The following TRRAP variants were observed in gnomAD, a reference collection of about 807,000 sequenced individuals.
The protein encoded by TRRAP is transformation/transcription domain-associated protein.
In TRRAP, 41 loss-of-function variants were observed where a neutral mutation model predicts 438.8. The observed-to-expected ratio is 0.09, with a 90% confidence interval of 0.07 to 0.12. The LOEUF is 0.12. Ranked by LOEUF, TRRAP falls within the 10% of genes least tolerant of loss-of-function variation. The pLI, the probability that TRRAP is intolerant of heterozygous loss-of-function variation, is 1.00. For missense variants in TRRAP, 3,122 were observed against 5,055.1 expected (o/e 0.62, Z 11.60); for synonymous variants, 1,994 against 1,962.9 (o/e 1.02, Z -0.42).
At chr7:98,925,724 AAC>A (rs1790020319) in intron 22 of TRRAP, among the ~76,000 whole-genome samples, 2 of 152,244 alleles carry the variant, frequency 1.3e-5, no homozygotes, top group Non-Finnish European at 2.9e-5. Flanking sequence ...CTTTTGAGGT[AAC>A]ACACACATAC....
chr7:98,906,896 AT>A (rs1188165975), intron 13 of TRRAP, among the ~76,000 whole-genome samples: 5 of 151,792 alleles, frequency 3.3e-5, no homozygotes, highest in Non-Finnish European at 5.9e-5. Flanking sequence ...TTAAAAAGAA[AT>A]TTTTTTTTAT....
chr7:98,907,668 C>T (rs538428883), intron 13 of TRRAP, among the ~76,000 whole-genome samples: 30 of 152,318 alleles, frequency 2.0e-4, no homozygotes, highest in African/African-American at 4.6e-4. Flanking sequence ...TGAGTCTCTG[C>T]GTGATTTGGC....
At chr7:98,893,927 T>C (rs782140293) in intron 6 of TRRAP, 46 bp downstream of exon 6, 1 of 1,575,766 alleles carries the variant, frequency 6.3e-7, no homozygotes. Context: ...TGTGTCAACA[T>C]GTTCCTTCTG....
At chr7:98,963,855 C>T (rs531763411) in intron 47 of TRRAP, among the ~76,000 whole-genome samples, 50 of 151,838 alleles carry the variant, frequency 3.3e-4, no homozygotes, top group Non-Finnish European at 5.3e-4. Context: ...CTGAGGCAGG[C>T]GGATTACTTG....
chr7:98,983,183 T>A, intron 59 of TRRAP, 81 bp from the exon 60 acceptor site: 1 of 1,299,668 alleles, frequency 7.7e-7, no homozygotes, highest in Non-Finnish European at 1.0e-6. Context: ...GATAATCATG[T>A]CCCCAATGGA....
intron 21 of TRRAP, among the ~76,000 whole-genome samples, chr7:98,923,650 G>A (rs1019289149): frequency 7.2e-5 from 11 of 152,132 alleles, no homozygotes; most frequent in African/African-American, 1.9e-4. Context: ...CAATACCCTC[G>A]AAGAGCACGG....
In TRRAP at chr7:98,955,069, C is replaced by T. The variant is rs1459399721; in HGVS notation, c.5731-29C>T. 5 of 1,587,462 alleles carry T rather than the reference C, an allele frequency of 3.1e-6. No individual in the cohort carries two copies. In the African/African-American group the frequency reaches 4.0e-5, roughly 13 times the overall value. On this transcript the variant is annotated intron_variant, in intron 40 of 72. Transcript: ENST00000456197. ...TATTTCTTAAAGCCTTCCTTCTCAT[C>T]CTCCATAAACGTCTCTTCCCTGTTT... is the stretch of plus-strand genomic sequence containing the variant.
Position 98,985,052 on chromosome 7 carries a change from T to C in TRRAP, c.9389+8T>C. 2 of 1,576,272 alleles carry C rather than the reference T, an allele frequency of 1.3e-6. No individual in the cohort carries two copies. The highest frequency in any genetic ancestry group is 1.7e-6 in the Non-Finnish European group (2 of 1,152,594). On this transcript the variant is annotated splice_region_variant and intron_variant, in intron 62 of 72. Coordinates refer to ENST00000456197, the MANE Select transcript of TRRAP (RefSeq NM_001375524.1). ...CTTGGCTCAGATCAACAAGTATGTA[T>C]GTTATATTGAAAGGATAAGAGAAAA...
Position 98,927,194 on chromosome 7 carries a change from T to C in TRRAP, c.3003T>C (p.Val1001=). ...PNFTEKTIPN[V]IISHRYKAQD... is the part of the protein sequence containing the mutation. The stretch of plus-strand genomic sequence containing the variant: ...TTACAGAAAAGACCATCCCCAATGT[T>C]ATCATCTCACATCGCTACAAAGCCC... The change falls in exon 23 of 73, where the codon GTT becomes GTC. Residue 1001 remains valine, a synonymous_variant. Coordinates refer to ENST00000456197, the MANE Select transcript of TRRAP (RefSeq NM_001375524.1). The C allele has an allele frequency of 2.5e-6, 4 of 1,614,226 alleles. No individual in the cohort carries two copies. The highest frequency in any genetic ancestry group is 3.4e-6 in the Non-Finnish European group (4 of 1,180,044).
intron 14 of TRRAP, among the ~76,000 whole-genome samples, chr7:98,909,442 T>C (rs959286680): frequency 2.6e-5 from 4 of 152,146 alleles, no homozygotes; most frequent in African/African-American, 9.7e-5. Flanking sequence ...GTGCACCAGT[T>C]TTTTCATCTT....
Position 98,948,798 on chromosome 7 carries a change from C to T in TRRAP, c.4788+113C>T. The T allele has an allele frequency of 1.3e-6, 2 of 1,520,008 alleles. No homozygotes were observed. The highest frequency in any genetic ancestry group is 1.8e-6 in the Non-Finnish European group (2 of 1,128,216). The allele number at this position is 1,520,008 out of a possible 1,614,324, so 94.2% of individuals were successfully genotyped here. ...TTCAGTGTCCTGGCTGCTTTTTTTT[C>T]AGATCCATTTGAATATTGGAAACAG... is the stretch of plus-strand genomic sequence containing the variant. On this transcript the variant is annotated intron_variant, in intron 35 of 72. Transcript: ENST00000456197. The surrounding 1 kb of genome is among the most constrained non-coding windows in gnomAD (Gnocchi z 4.9).
intron 8 of TRRAP, among the ~76,000 whole-genome samples, chr7:98,898,184 T>C (rs1554406081): frequency 6.6e-6 from 1 of 152,202 alleles, no homozygotes; most frequent in Non-Finnish European, 1.5e-5. Flanking sequence ...TCCCTTAAAC[T>C]ATAGATAAAA....
chr7:98,982,606 C>T (rs556600665), intron 59 of TRRAP, among the ~76,000 whole-genome samples: 15 of 152,276 alleles, frequency 9.9e-5, no homozygotes, highest in South Asian at 8.3e-4. Flanking sequence ...AGGAAGATAT[C>T]GTGTGCGCCA....
intron 21 of TRRAP, 79 bp from the exon 22 acceptor site, chr7:98,925,033 T>A: frequency 6.6e-7 from 1 of 1,522,028 alleles, no homozygotes; most frequent in Non-Finnish European, 8.8e-7. Context: ...TTCTGGGTGC[T>A]GCAGATGCTT....
chr7:98,987,052 A>G (rs1330021961), intron 62 of TRRAP, among the ~76,000 whole-genome samples: 3 of 152,178 alleles, frequency 2.0e-5, no homozygotes, highest in East Asian at 3.8e-4. Context: ...TGGGAGGCTG[A>G]GGTGGGAGGA....
chr7:98,977,090 C>G lies in TRRAP; in HGVS notation c.8385+14C>G. On this transcript the variant is annotated intron_variant, in intron 56 of 72. Coordinates refer to ENST00000456197, the MANE Select transcript of TRRAP (RefSeq NM_001375524.1). Reference sequence around the variant, plus strand: ...TTCTTTGAGCAGGTAAACCTCAGACCACTGACGGTCTTGGGTGTGTAATGA... The same window carrying G: ...TTCTTTGAGCAGGTAAACCTCAGACGACTGACGGTCTTGGGTGTGTAATGA... 1.9e-6 allele frequency: 3 copies of G among 1,614,126 alleles called. No homozygotes were observed. Among genetic ancestry groups the G allele is most frequent in the Non-Finnish European group, 2.5e-6 (3 of 1,180,010 alleles).
chr7:98,883,103 T>C (rs1283579113), intron 3 of TRRAP, among the ~76,000 whole-genome samples: 2 of 152,278 alleles, frequency 1.3e-5, no homozygotes, highest in African/African-American at 4.8e-5. Flanking sequence ...TTCTCTATTG[T>C]GGACCTCACA....
intron 53 of TRRAP, among the ~76,000 whole-genome samples, chr7:98,974,885 A>ATT (rs3216263): frequency 2.8e-4 from 43 of 151,984 alleles, no homozygotes; most frequent in Non-Finnish European, 5.7e-4. Flanking sequence ...TGTGATGATG[A>ATT]TTTTTTCAGG....
At chr7:98,913,339 G>C (rs782282453) in intron 18 of TRRAP, among the ~76,000 whole-genome samples, 9 of 151,806 alleles carry the variant, frequency 5.9e-5, no homozygotes, top group Non-Finnish European at 1.3e-4. Context: ...ACCCAGGCTG[G>C]AGTGCAGTGG....
Sources: gnomAD v4.1 joint callset for allele counts (sites outside exome capture counted in the v4.1 genomes callset) on GRCh38, gnomAD v4.1.1 for gene constraint, Gnocchi (gnomAD v3.1) non-coding constraint, MANE v1.5 for transcripts, NCBI Gene and HGNC (gene_info 2026-07-23, HGNC 2026-07-21) for gene names.